Variants in ZNF253 observed in about 807,000 individuals in gnomAD.
ZNF253 encodes the protein zinc finger protein 253, also known as DNA-binding protein.
Under a neutral mutation model 11.9 loss-of-function variants are expected in ZNF253, and 8 were observed. The ratio of observed to expected loss-of-function variants is 0.67; its 90% CI spans 0.40 to 1.22. The LOEUF is 1.22. Among genes scored for constraint, ZNF253 ranks in the 50% most tolerant of loss-of-function variants. The pLI is 0.01. For synonymous variants in ZNF253, 194 were observed against 194.9 expected (o/e 1.00, Z 0.04); for missense variants, 485 against 586.9 (o/e 0.83, Z 1.79).
intron 1 of ZNF253, among the ~76,000 whole-genome samples, chr19:19,872,580 T>TATATATATATATATATCTATATA (rs1555777030): frequency 9.2e-6 from 1 of 108,438 alleles, no homozygotes; most frequent in African/African-American, 5.1e-5. Flanking sequence ...TATATATATA[T>TATATATATATATATATCTATATA]TATTATATAT....
At chr19:19,886,849 GT>G (rs1289470065) in intron 3 of ZNF253, among the ~76,000 whole-genome samples, 4 of 151,994 alleles carry the variant, frequency 2.6e-5, no homozygotes, top group African/African-American at 7.2e-5. Flanking sequence ...TGTTAGCTAA[GT>G]TTTTTTCTTA....
intron 3 of ZNF253, among the ~76,000 whole-genome samples, chr19:19,883,092 G>T (rs180980521): frequency 7.3e-4 from 111 of 152,094 alleles, no homozygotes; most frequent in Middle Eastern, 3.4e-3. Context: ...TTTCTTAGCT[G>T]ATTTTCCATG....
At position 19,891,644 on chromosome 19, in the gene ZNF253, A is replaced by G. The variant is rs777940893; in HGVS notation, c.397A>G (p.Asn133Asp). 2 of 1,614,168 alleles carry G rather than the reference A, an allele frequency of 1.2e-6. No homozygotes were observed. Among genetic ancestry groups the G allele is most frequent in the East Asian group, 2.2e-5 (1 of 44,864 alleles). The change falls in exon 4 of 4, where the codon AAC (asparagine) becomes GAC (aspartate). Residue 133 changes from asparagine (N) to aspartate (D), a missense_variant. Transcript: ENST00000589717. ...KVHKGGYNGL[N>D]QCLTTTQKEI... ...GCACAAAGGAGGTTATAATGGACTT[A>G]ACCAATGTTTGACAACTACCCAGAA...
intron 3 of ZNF253, among the ~76,000 whole-genome samples, chr19:19,883,402 A>T (rs2063185945): frequency 6.6e-6 from 1 of 152,220 alleles, no homozygotes; most frequent in East Asian, 1.9e-4. Context: ...CCTGGAGCCT[A>T]AAAGTTTGAG....
At chr19:19,885,247 C>T (rs867262270) in intron 3 of ZNF253, among the ~76,000 whole-genome samples, 3 of 64,254 alleles carry the variant, frequency 4.7e-5, no homozygotes, top group African/African-American at 2.3e-4. Context: ...TTCTTTCTTT[C>T]TTTCTTTCTT....
chr19:19,889,541 T>C (rs2063220320), intron 3 of ZNF253, among the ~76,000 whole-genome samples: 1 of 152,162 alleles, frequency 6.6e-6, no homozygotes, highest in South Asian at 2.1e-4. Context: ...AGATAGGCTT[T>C]CACTCTGTTG....
rs754526415 is a variant in ZNF253, at chr19:19,892,168, T to C, written c.921T>C (p.Thr307=). 2 of 1,613,664 alleles carry C rather than the reference T, an allele frequency of 1.2e-6. No individual in the cohort carries two copies. The highest frequency in any genetic ancestry group is 1.1e-5 in the South Asian group (1 of 91,038). Residue 307 remains threonine, a synonymous_variant, in exon 4 of 4, where the codon ACT becomes ACC. Transcript: ENST00000589717. ...SHVTTHKKIH[T]RGKPYNCEEC... ...TTACCACACATAAGAAAATTCATACTAGAGGGAAACCCTACAACTGTGAAG... is the reference window on the plus strand; with the variant it reads ...TTACCACACATAAGAAAATTCATACCAGAGGGAAACCCTACAACTGTGAAG...
At chr19:19,883,616 A>G (rs776398792) in intron 3 of ZNF253, among the ~76,000 whole-genome samples, 8 of 152,190 alleles carry the variant, frequency 5.3e-5, no homozygotes, top group Non-Finnish European at 1.0e-4. Context: ...GTATATTCAC[A>G]CTGTTATGCA....
rs766755831 is a variant in ZNF253, at chr19:19,866,026, A to G, written c.3+27A>G. 25 of 1,614,034 alleles carry G rather than the reference A, an allele frequency of 1.5e-5. No individual in the cohort carries two copies. The African/African-American group carries it at 2.8e-4, about 18-fold the overall frequency. Reference sequence around the variant, plus strand: ...TGAGTGCCGGGTCCAACGTCCCGAGAGAGGGGAGAGGCTGTTTGGAACGGT... The same window carrying G: ...TGAGTGCCGGGTCCAACGTCCCGAGGGAGGGGAGAGGCTGTTTGGAACGGT... On this transcript the variant is annotated intron_variant, in intron 1 of 3. Transcript: ENST00000589717.
Position 19,894,302 on chromosome 19 carries a change from G to C in ZNF253, c.*1555G>C, listed in dbSNP as rs992837733. ...TAATACAGCTTTCACATTGCTTTAT[G>C]CTATTTTATTCCTATTATATTCACA... is the stretch of plus-strand genomic sequence containing the variant. On this transcript the variant is annotated 3_prime_UTR_variant, in exon 4 of 4. Transcript: ENST00000589717. 2 of 152,074 alleles carry C rather than the reference G, an allele frequency of 1.3e-5. No homozygotes were observed. Among genetic ancestry groups the C allele is most frequent in the Non-Finnish European group, 2.9e-5 (2 of 68,006 alleles). The allele number at this position is 152,074 out of a possible 1,614,324, so 9.4% of individuals were successfully genotyped here.
chr19:19,872,585 A>ATATATAT (rs2063139161), intron 1 of ZNF253, among the ~76,000 whole-genome samples: 1 of 90,478 alleles, frequency 1.1e-5, no homozygotes, highest in African/African-American at 6.1e-5. Context: ...ATATATTATT[A>ATATATAT]TATATATATA....
In ZNF253 at chr19:19,867,705, G is replaced by A. The variant is rs148310051; in HGVS notation, c.3+1706G>A. Among the ~76,000 whole-genome samples the A allele has an allele frequency of 2.6e-4, 40 of 152,246 alleles. No individual in the cohort carries two copies. The East Asian group carries it at 7.3e-3, about 28-fold the overall frequency. On this transcript the variant is annotated intron_variant, in intron 1 of 3. Transcript: ENST00000589717. ...TCTTTATCCAGTCTACCACTGATAG[G>A]GCCTGTCCATGTCTTTGCTATTGTG...
In ZNF253 at chr19:19,892,818, T is replaced by A; in HGVS notation, c.*71T>A. The A allele has an allele frequency of 1.4e-6, 2 of 1,393,648 alleles. No homozygotes were observed. The highest frequency in any genetic ancestry group is 2.0e-6 in the Non-Finnish European group (2 of 1,022,910). The allele number at this position is 1,393,648 out of a possible 1,614,324, so 86.3% of individuals were successfully genotyped here. On this transcript the variant is annotated 3_prime_UTR_variant, in exon 4 of 4. Transcript: ENST00000589717. Reference sequence around the variant, plus strand: ...CCTTTAACCAGCCCTCGACTCTTAGTAAATTTGAGAGTTTATATGGAACAC... The same window carrying A: ...CCTTTAACCAGCCCTCGACTCTTAGAAAATTTGAGAGTTTATATGGAACAC...
intron 1 of ZNF253, among the ~76,000 whole-genome samples, chr19:19,873,729 A>G (rs575475421): frequency 7.2e-5 from 11 of 152,264 alleles, no homozygotes; most frequent in Admixed American, 5.9e-4. Context: ...GGTTCCTACA[A>G]TCCAGAAACT....
chr19:19,875,542 C>A (rs1034465289), intron 1 of ZNF253, among the ~76,000 whole-genome samples: 1 of 152,046 alleles, frequency 6.6e-6, no homozygotes, highest in Non-Finnish European at 1.5e-5. Flanking sequence ...ACTACGGGCA[C>A]CCACCACCAC....
intron 3 of ZNF253, 30 bp downstream of exon 3, chr19:19,880,176 A>G: frequency 1.3e-6 from 2 of 1,515,402 alleles, no homozygotes; most frequent in Admixed American, 1.9e-5. Flanking sequence ...AATACAACAG[A>G]TGACACAGAT....
intron 1 of ZNF253, among the ~76,000 whole-genome samples, chr19:19,866,520 C>T (rs2063111859): frequency 7.3e-6 from 1 of 137,742 alleles, no homozygotes; most frequent in Non-Finnish European, 1.6e-5. Flanking sequence ...TTTTTTGAGG[C>T]GGAGTTTTGC....
chr19:19,892,999 T>A lies in ZNF253; in HGVS notation c.*252T>A, dbSNP rs1228064736. 2.9e-5 allele frequency: 12 copies of A among 407,686 alleles called. No homozygotes were observed. The highest frequency in any genetic ancestry group is 8.9e-5 in the African/African-American group (4 of 45,148). The allele number at this position is 407,686 out of a possible 1,614,324, so 25.3% of individuals were successfully genotyped here. A position where few individuals can be genotyped will look rare whatever the true frequency, so the allele number is the denominator to read the frequency against. On this transcript the variant is annotated 3_prime_UTR_variant, in exon 4 of 4. Transcript: ENST00000589717. ...GTTCTCAATTCCTTTTTTTTTGAGA[T>A]GGAGTTTCACTCTTGTCACCGAGGC...
At chr19:19,873,040 A>G (rs905097481) in intron 1 of ZNF253, among the ~76,000 whole-genome samples, 1 of 152,192 alleles carries the variant, frequency 6.6e-6, no homozygotes, top group African/African-American at 2.4e-5. Flanking sequence ...CTGTATTGTG[A>G]GATGTCAGCA....
Sources: gnomAD v4.1 joint callset for allele counts (sites outside exome capture counted in the v4.1 genomes callset) on GRCh38, gnomAD v4.1.1 for gene constraint, MANE v1.5 for transcripts, NCBI Gene and HGNC (gene_info 2026-07-23, HGNC 2026-07-21) for gene names.